Variants in MACROD2 observed in about 807,000 individuals in gnomAD.
MACROD2 encodes the protein mono-ADP ribosylhydrolase 2, also known as ADP-ribose glycohydrolase MACROD2.
MACROD2 carries 36 observed loss-of-function variants against 70.4 expected under a neutral mutation model. The ratio of observed to expected loss-of-function variants is 0.51; its 90% CI spans 0.39 to 0.68. The LOEUF is 0.68. Among genes scored for constraint, MACROD2 ranks in the 30% least tolerant of loss-of-function variants. The pLI, the probability that MACROD2 is intolerant of heterozygous loss-of-function variation, is 0.00. For missense variants in MACROD2, 496 were observed against 538.4 expected (o/e 0.92, Z 0.78); for synonymous variants, 172 against 178.8 (o/e 0.96, Z 0.30).
intron 7 of MACROD2, among the ~76,000 whole-genome samples, chr20:15,492,680 C>A (rs941623771): frequency 6.6e-6 from 1 of 152,184 alleles, no homozygotes; most frequent in Admixed American, 6.5e-5. Context: ...TCATAGGTTT[C>A]TATCAGTGCT....
At chr20:15,355,818 C>T (rs1462683425) in intron 6 of MACROD2, among the ~76,000 whole-genome samples, 1 of 152,178 alleles carries the variant, frequency 6.6e-6, no homozygotes, top group Non-Finnish European at 1.5e-5. Flanking sequence ...CTCTATTATA[C>T]CACAAGTCCC....
intron 8 of MACROD2, among the ~76,000 whole-genome samples, chr20:15,690,490 G>C (rs536739855): frequency 6.6e-6 from 1 of 152,146 alleles, no homozygotes; most frequent in Non-Finnish European, 1.5e-5. Flanking sequence ...TGGATATAGG[G>C]TGAGGGCAGC....
At chr20:15,902,901 A>C (rs1200607150) in intron 10 of MACROD2, among the ~76,000 whole-genome samples, 1 of 151,964 alleles carries the variant, frequency 6.6e-6, no homozygotes, top group South Asian at 2.1e-4. Flanking sequence ...GGAAATGCCC[A>C]AGTGTGTATG....
chr20:15,348,416 C>A (rs2078190218), intron 6 of MACROD2, among the ~76,000 whole-genome samples: 1 of 152,128 alleles, frequency 6.6e-6, no homozygotes, highest in African/African-American at 2.4e-5. Flanking sequence ...TTTCTAGCAG[C>A]AATTAATGTT....
chr20:14,573,573 A>AT lies in MACROD2; in HGVS notation c.301+80066dup, dbSNP rs1165336138. On this transcript the variant is annotated intron_variant, in intron 4 of 17. Transcript: ENST00000684519. ...GGTAGGATTAGGCCTTAGAGAAAAG[A>AT]TATTATTTTTTTTTTCAGATATACT... Among the ~76,000 whole-genome samples, 59 of 108,892 alleles carry AT rather than the reference A, an allele frequency of 5.4e-4. 1 individual carries two copies. The South Asian group carries it at 0.015, about 28-fold the overall frequency. 71.4% of individuals were successfully genotyped at this position (108,892 alleles called of 152,430 possible). A position where few individuals can be genotyped will look rare whatever the true frequency, so the allele number is the denominator to read the frequency against.
intron 5 of MACROD2, among the ~76,000 whole-genome samples, chr20:15,151,072 C>T (rs1041705201): frequency 9.2e-5 from 14 of 152,092 alleles, no homozygotes; most frequent in East Asian, 1.9e-4. Flanking sequence ...GCTTCCGAGG[C>T]GATCAGGCAG....
intron 3 of MACROD2, among the ~76,000 whole-genome samples, chr20:14,164,097 TA>T (rs1328993111): frequency 1.3e-5 from 2 of 152,120 alleles, no homozygotes; most frequent in African/African-American, 2.4e-5. Flanking sequence ...GTTTGCTTTA[TA>T]GGGGAGAACT....
At chr20:15,570,379 A>G (rs546668953) in intron 8 of MACROD2, among the ~76,000 whole-genome samples, 3 of 152,332 alleles carry the variant, frequency 2.0e-5, no homozygotes, top group African/African-American at 7.2e-5. Flanking sequence ...GTTCTCTAAT[A>G]TGTACACTGT....
At chr20:14,149,307 C>T (rs2054984638) in intron 3 of MACROD2, among the ~76,000 whole-genome samples, 1 of 151,898 alleles carries the variant, frequency 6.6e-6, no homozygotes, top group African/African-American at 2.4e-5. Context: ...TAGCTATATC[C>T]ATGTTGCTTC....
chr20:14,435,794 C>T (rs910468073), intron 3 of MACROD2, among the ~76,000 whole-genome samples: 1 of 151,836 alleles, frequency 6.6e-6, no homozygotes, highest in African/African-American at 2.4e-5. Context: ...GCAACCTCTG[C>T]CTTCCAGCTT....
At chr20:15,085,451 G>A (rs978372163) in intron 5 of MACROD2, among the ~76,000 whole-genome samples, 2 of 152,026 alleles carry the variant, frequency 1.3e-5, no homozygotes, top group Admixed American at 1.3e-4. Flanking sequence ...AAAATGAAGA[G>A]CTGGCCCACA....
intron 8 of MACROD2, among the ~76,000 whole-genome samples, chr20:15,581,983 A>G (rs2048531185): frequency 6.6e-6 from 1 of 152,168 alleles, no homozygotes; most frequent in East Asian, 1.9e-4. Flanking sequence ...TTACCCAGGC[A>G]TGATGGCGTG....
chr20:14,934,903 A>T (rs184305950), intron 5 of MACROD2: 4 of 152,338 alleles, frequency 2.6e-5, no homozygotes, highest in African/African-American at 9.6e-5. Flanking sequence ...ACAGACCTCC[A>T]ATAGAGAGGG....
chr20:14,357,725 T>C (rs1427173563), intron 3 of MACROD2, among the ~76,000 whole-genome samples: 1 of 152,252 alleles, frequency 6.6e-6, no homozygotes, highest in African/African-American at 2.4e-5. Flanking sequence ...AGCTGCTGGC[T>C]TTTACTGCTA....
At chr20:14,603,915 C>G (rs967622877) in intron 4 of MACROD2, among the ~76,000 whole-genome samples, 10 of 152,046 alleles carry the variant, frequency 6.6e-5, no homozygotes, top group Non-Finnish European at 1.3e-4. Flanking sequence ...AAGATCTAAT[C>G]ACAGGCCGGC....
At chr20:14,506,902 G>T (rs1242965889) in intron 4 of MACROD2, among the ~76,000 whole-genome samples, 3 of 152,118 alleles carry the variant, frequency 2.0e-5, no homozygotes, top group Admixed American at 6.5e-5. Context: ...AGTGAGCTGA[G>T]ATCACGCCAC....
At chr20:14,173,935 C>T (rs1466879097) in intron 3 of MACROD2, among the ~76,000 whole-genome samples, 1 of 152,142 alleles carries the variant, frequency 6.6e-6, no homozygotes, top group Non-Finnish European at 1.5e-5. Flanking sequence ...TGGGCTGGTA[C>T]TGGGGAGTGT....
chr20:14,109,763 C>T (rs1177512667), intron 3 of MACROD2, among the ~76,000 whole-genome samples: 1 of 151,774 alleles, frequency 6.6e-6, no homozygotes, highest in Admixed American at 6.6e-5. Context: ...TAAAAAGTCT[C>T]TCAGTAAAGA....
At chr20:14,186,984 A>G (rs140970070) in intron 3 of MACROD2, among the ~76,000 whole-genome samples, 69 of 152,288 alleles carry the variant, frequency 4.5e-4, no homozygotes, top group Admixed American at 1.6e-3. Context: ...GCAAGCATTG[A>G]AAAACTACCG....
Sources: allele counts gnomAD v4.1 joint callset (sites outside exome capture counted in the v4.1 genomes callset), GRCh38; gene constraint gnomAD v4.1.1; transcripts MANE v1.5; gene names NCBI Gene and HGNC (gene_info 2026-07-23, HGNC 2026-07-21).